Variants in C12orf56 observed in about 807,000 individuals in gnomAD.
C12orf56 encodes chromosome 12 open reading frame 56.
Under a neutral mutation model 69.9 loss-of-function variants are expected in C12orf56, and 71 were observed. The observed-to-expected ratio is 1.02, with a 90% CI of 0.84 to 1.24. The LOEUF is 1.24. Among genes scored for constraint, C12orf56 ranks in the 50% most tolerant of loss-of-function variants. The pLI is 0.00. For synonymous variants in C12orf56, 276 were observed against 274.1 expected, an observed-to-expected ratio of 1.01 and a Z score of -0.07; for missense variants, 732 against 738.5, an observed-to-expected ratio of 0.99 and a Z score of 0.10.
intron 1 of C12orf56, among the ~76,000 whole-genome samples, chr12:64,370,246 G>C (rs1276760081): frequency 6.6e-6 from 1 of 151,726 alleles, no homozygotes; most frequent in Non-Finnish European, 1.5e-5. Context: ...TTGGGAGGCT[G>C]AGGCTGGAGA....
chr12:64,320,943 A>G (rs1295329747), intron 3 of C12orf56, among the ~76,000 whole-genome samples: 1 of 152,160 alleles, frequency 6.6e-6, no homozygotes, highest in Non-Finnish European at 1.5e-5. Context: ...AAGCAATCCA[A>G]TTTGTGCCTC....
intron 2 of C12orf56, among the ~76,000 whole-genome samples, chr12:64,344,753 C>T (rs926994384): frequency 2.0e-5 from 3 of 152,160 alleles, no homozygotes; most frequent in African/African-American, 7.2e-5. Context: ...CTTCTGGACC[C>T]TCCCAGCTGG....
intron 2 of C12orf56, among the ~76,000 whole-genome samples, chr12:64,352,087 GTTTTTGTTTTTGTTT>G (rs2039231049): frequency 9.5e-6 from 1 of 105,540 alleles, no homozygotes; most frequent in African/African-American, 3.5e-5. Context: ...AGGTTTTTTT[GTTTTTGTTTTTGTTT>G]TTTTTTTTTT....
chr12:64,385,129 G>C (rs1230866514), intron 1 of C12orf56, among the ~76,000 whole-genome samples: 1 of 151,614 alleles, frequency 6.6e-6, no homozygotes, highest in Non-Finnish European at 1.5e-5. Flanking sequence ...CAGAACTCTA[G>C]AGAACTCTTT....
At chr12:64,365,351 G>A (rs1453843245) in intron 1 of C12orf56, among the ~76,000 whole-genome samples, 1 of 151,686 alleles carries the variant, frequency 6.6e-6, no homozygotes, top group Non-Finnish European at 1.5e-5. Flanking sequence ...ATTTTTAGTA[G>A]AGATGGGGTT....
chr12:64,369,058 C>A (rs1011184909), intron 1 of C12orf56, among the ~76,000 whole-genome samples: 1 of 151,554 alleles, frequency 6.6e-6, no homozygotes, highest in African/African-American at 2.4e-5. Context: ...ATGGTTTATG[C>A]CTGTGATCCC....
intron 3 of C12orf56, among the ~76,000 whole-genome samples, chr12:64,319,952 C>G (rs12300514): frequency 6.6e-6 from 1 of 151,808 alleles, no homozygotes; most frequent in Non-Finnish European, 1.5e-5. Flanking sequence ...GCTGAGCTTT[C>G]GCTCCCCGTC....
intron 1 of C12orf56, among the ~76,000 whole-genome samples, chr12:64,358,485 C>A (rs10878156): frequency 0.24 from 12,414 of 50,680 alleles, 622 homozygotes; most frequent in South Asian, 0.29. Flanking sequence ...TAATAATAAT[C>A]ATCATCATCA....
At chr12:64,314,795 C>A (rs1264327928) in intron 4 of C12orf56, among the ~76,000 whole-genome samples, 2 of 151,698 alleles carry the variant, frequency 1.3e-5, no homozygotes, top group East Asian at 3.9e-4. Context: ...CCACCACGCC[C>A]GGCTAATTTT....
At position 64,312,762 on chromosome 12, in the gene C12orf56, G is replaced by T; in HGVS notation, c.895-10C>A. The T allele has an allele frequency of 6.6e-7, 1 of 1,522,194 alleles. No homozygotes were observed. The highest frequency in any genetic ancestry group is 8.8e-7 in the Non-Finnish European group (1 of 1,134,476). The allele number at this position is 1,522,194 out of a possible 1,614,324, so 94.3% of individuals were successfully genotyped here. A position where few individuals can be genotyped will look rare whatever the true frequency, so the allele number is the denominator to read the frequency against. On this transcript the variant is annotated splice_polypyrimidine_tract_variant and intron_variant, in intron 4 of 12. Coordinates refer to ENST00000543942, the MANE Select transcript of C12orf56 (RefSeq NM_001170633.2). ...GTAAAAGAGTAGCTTTCTGAAAAAG[G>T]AAAAAGTAGAAATTGTTAGAATTTT...
At chr12:64,279,467 G>A (rs1385566326) in intron 8 of C12orf56, among the ~76,000 whole-genome samples, 1 of 152,154 alleles carries the variant, frequency 6.6e-6, no homozygotes, top group South Asian at 2.1e-4. Context: ...AGGGGTAGGA[G>A]TAGTAAAATA....
intron 1 of C12orf56, among the ~76,000 whole-genome samples, chr12:64,389,792 C>A (rs1452469440): frequency 4.9e-4 from 75 of 152,296 alleles, no homozygotes; most frequent in Middle Eastern, 6.8e-3. Context: ...CCACGGCACC[C>A]GGCCTTATGC....
rs1326602973 is a variant in C12orf56 at position 64,318,976 on chromosome 12, G to A, written c.493C>T (p.Gln165Ter). The change falls in exon 4 of 13, where the codon CAG becomes TAG. Residue 165 changes from glutamine to a stop codon, truncating the protein, a stop_gained. Coordinates refer to ENST00000543942, the MANE Select transcript of C12orf56 (RefSeq NM_001170633.2). LOFTEE classifies it high-confidence loss of function. ...TTGGATGGTGTACTGCTCTCCTGCT[G>A]GTCCCTGTCAGGTAGAATTTAGTAT... The part of the protein sequence containing the change: ...RSLKESPLRD[Q>*]QESSTPSKDS... 2.7e-6 allele frequency: 4 copies of A among 1,474,896 alleles called. No homozygotes were observed. Among genetic ancestry groups the A allele is most frequent in the Non-Finnish European group, 3.6e-6 (4 of 1,118,040 alleles). The allele number at this position is 1,474,896 out of a possible 1,614,324, so 91.4% of individuals were successfully genotyped here. A position where few individuals can be genotyped will look rare whatever the true frequency, so the allele number is the denominator to read the frequency against.
intron 1 of C12orf56, among the ~76,000 whole-genome samples, chr12:64,355,200 T>C (rs1394958518): frequency 6.6e-6 from 1 of 152,090 alleles, no homozygotes; most frequent in Admixed American, 6.5e-5. Flanking sequence ...CATTTTTCTT[T>C]TCACAAATAT....
intron 2 of C12orf56, among the ~76,000 whole-genome samples, chr12:64,345,313 A>C (rs2039125892): frequency 6.6e-6 from 1 of 152,124 alleles, no homozygotes; most frequent in African/African-American, 2.4e-5. Flanking sequence ...TGCCTCAGGC[A>C]GTGCAGGATT....
intron 2 of C12orf56, among the ~76,000 whole-genome samples, chr12:64,336,363 T>C (rs529759659): frequency 6.6e-6 from 1 of 152,284 alleles, no homozygotes; most frequent in East Asian, 1.9e-4. Context: ...GGACAAACTC[T>C]TCACTAATTT....
chr12:64,323,709 C>A (rs1190309733), intron 3 of C12orf56, among the ~76,000 whole-genome samples: 1 of 152,088 alleles, frequency 6.6e-6, no homozygotes. Context: ...TGGGGTTTCA[C>A]CATGTTGCCC....
In C12orf56 at chr12:64,318,600, T is replaced by C. The variant is rs576275335; in HGVS notation, c.869A>G (p.Lys290Arg). The change falls in exon 4 of 13, where the codon AAA becomes AGA. Residue 290 changes from lysine (K) to arginine (R), a missense_variant. By Grantham distance (26) the Lys-to-Arg change is conservative. Transcript: ENST00000543942. ...STTSSIFLHL[K>R]SSWNNYIIKA... ...TATAATATAATTGTTCCATGAACTT[T>C]TTAAGTGCAGAAATATTGATGAGGT... 5.9e-6 allele frequency: 9 copies of C among 1,535,500 alleles called. No homozygotes were observed. In the East Asian group the frequency reaches 7.3e-5, roughly 13 times the overall value.
In C12orf56 at chr12:64,328,703, A is replaced by AGT. The variant is rs2038881748; in HGVS notation, c.488+2256_488+2257insAC. 9.7e-5 allele frequency among the ~76,000 whole-genome samples: 2 copies of AGT among 20,622 alleles called. 1 individual carries two copies. Among genetic ancestry groups the AGT allele is most frequent in the African/African-American group, 4.1e-4 (2 of 4,842 alleles). The allele number at this position is 20,622 out of a possible 152,430, so 13.5% of individuals were successfully genotyped here. ...TCAAAAAAAAAAAAAAAAAAAAAAA[A>AGT]AAAATATATATATATATATATATAT... On this transcript the variant is annotated intron_variant, in intron 3 of 12. Transcript: ENST00000543942.
Sources: gnomAD v4.1 joint callset for allele counts (sites outside exome capture counted in the v4.1 genomes callset) on GRCh38, gnomAD v4.1.1 for gene constraint, MANE v1.5 for transcripts, NCBI Gene and HGNC (gene_info 2026-07-23, HGNC 2026-07-21) for gene names.